Variants in ANGEL1 observed in about 807,000 individuals in gnomAD.
ANGEL1 encodes the protein angel homolog 1.
ANGEL1 carries 62 observed loss-of-function variants against 76.4 expected under a neutral mutation model. That is an observed-to-expected ratio of 0.81 (90% CI 0.66 to 1.00). The LOEUF (loss-of-function observed/expected upper bound fraction) is 1.00, where lower values mean the gene tolerates loss of function less well. ANGEL1 is among the 50% of genes least tolerant of loss of function. ANGEL1 has a pLI of 0.00. For synonymous variants in ANGEL1, 340 were observed against 331.7 expected (o/e 1.03, Z -0.27); for missense variants, 737 against 836.7 (o/e 0.88, Z 1.47).
chr14:76,810,095 C>T (rs1364244494), intron 1 of ANGEL1: 16 of 425,286 alleles, frequency 3.8e-5, no homozygotes, highest in Non-Finnish European at 2.8e-5. Flanking sequence ...TGACCTTGAA[C>T]AATGCCCCTA....
chr14:76,801,670 CTTGT>C (rs1894768580), intron 7 of ANGEL1, among the ~76,000 whole-genome samples: 1 of 151,740 alleles, frequency 6.6e-6, no homozygotes, highest in Non-Finnish European at 1.5e-5. Flanking sequence ...ATTTCCTTAC[CTTGT>C]TTTCCACAGT....
chr14:76,796,727 T>C (rs765139017), intron 7 of ANGEL1, among the ~76,000 whole-genome samples: 17 of 152,342 alleles, frequency 1.1e-4, no homozygotes, highest in Non-Finnish European at 2.4e-4. Context: ...AGTTATTCTA[T>C]ATTCTTAGTC....
intron 7 of ANGEL1, among the ~76,000 whole-genome samples, chr14:76,791,993 G>A (rs1203100560): frequency 6.6e-6 from 1 of 152,096 alleles, no homozygotes; most frequent in Non-Finnish European, 1.5e-5. Flanking sequence ...ATAAGGATCA[G>A]CAACAACAGT....
In ANGEL1 at chr14:76,807,508, A is replaced by G; in HGVS notation, c.877-6T>C. On this transcript the variant is annotated splice_region_variant and splice_polypyrimidine_tract_variant and intron_variant, in intron 3 of 9. Coordinates refer to ENST00000251089, the MANE Select transcript of ANGEL1 (RefSeq NM_015305.4). ...ACTTCCTGGAGACACAGGATCTGGGAAATTGACAAGAAACCCAATCACTCC... is the reference window on the plus strand; with the variant it reads ...ACTTCCTGGAGACACAGGATCTGGGGAATTGACAAGAAACCCAATCACTCC... 1 of 1,613,274 alleles carries G rather than the reference A, an allele frequency of 6.2e-7. No homozygotes were observed. Among genetic ancestry groups the G allele is most frequent in the Non-Finnish European group, 8.5e-7 (1 of 1,179,730 alleles).
chr14:76,797,434 A>T (rs984689754), intron 7 of ANGEL1, among the ~76,000 whole-genome samples: 1 of 152,122 alleles, frequency 6.6e-6, no homozygotes, highest in African/African-American at 2.4e-5. Context: ...CCCTATCTCT[A>T]CTAAGACTAC....
At position 76,806,737 on chromosome 14, in the gene ANGEL1, C is replaced by A; in HGVS notation, c.1059G>T (p.Arg353=). The A allele has an allele frequency of 6.2e-7, 1 of 1,614,122 alleles. No homozygotes were observed. The highest frequency in any genetic ancestry group is 2.2e-5 in the East Asian group (1 of 44,858). ...LLCASPVEYF[R]PGLELLNRDN... ...CCCGATTAAGTAGCTCCAAGCCAGG[C>A]CGGAAGTACTCCACAGGGCTAGCAC... The change falls in exon 5 of 10, where the codon CGG becomes CGT. Residue 353 remains arginine (R), a synonymous_variant. Coordinates refer to ENST00000251089, the MANE Select transcript of ANGEL1 (RefSeq NM_015305.4).
intron 5 of ANGEL1, among the ~76,000 whole-genome samples, chr14:76,805,794 A>T (rs1259649146): frequency 6.6e-6 from 1 of 152,374 alleles, no homozygotes; most frequent in African/African-American, 2.4e-5. Context: ...CTCTGCAGCC[A>T]GACCACCTGG....
chr14:76,799,342 G>C (rs1259653543), intron 7 of ANGEL1, among the ~76,000 whole-genome samples: 1 of 120,302 alleles, frequency 8.3e-6, no homozygotes, highest in Admixed American at 1.1e-4. Flanking sequence ...CGCCCAGGCT[G>C]GAGTACAGCG....
At chr14:76,805,756 A>G (rs1344418634) in intron 5 of ANGEL1, among the ~76,000 whole-genome samples, 1 of 152,238 alleles carries the variant, frequency 6.6e-6, no homozygotes, top group Non-Finnish European at 1.5e-5. Flanking sequence ...GTTATAAGCA[A>G]TGACAGCACA....
chr14:76,809,533 C>G lies in ANGEL1; in HGVS notation c.175G>C (p.Gly59Arg). The change falls in exon 2 of 10, where the codon GGC becomes CGC. Residue 59 changes from glycine (G) to arginine (R), a missense_variant. Around this residue, in one of 2 missense-constraint regions of ANGEL1, gnomAD observed 441 missense variants for 449.5 expected, o/e 0.98. Coordinates refer to ENST00000251089, the MANE Select transcript of ANGEL1 (RefSeq NM_015305.4). ...TCTTCTCGCCACTGCTGCAGCAGGC[C>G]CTCACATTCCTCCTGCTCAGGGCCC... ...PRGPEQEECE[G>R]LLQQWREEGL... is the part of the protein sequence containing the mutation. The G allele has an allele frequency of 6.2e-7, 1 of 1,614,214 alleles. No homozygotes were observed.
At position 76,806,449 on chromosome 14, in the gene ANGEL1, T is replaced by A; in HGVS notation, c.1347A>T (p.Gly449=). The A allele has an allele frequency of 6.2e-7, 1 of 1,614,024 alleles. No individual in the cohort carries two copies. ...CTGGCATCCCATGGTACTGGAGCTC[T>A]CCATCCCTGATGAAGTTGTAGAGAG... ...DSPLYNFIRD[G]ELQYHGMPAW... The change falls in exon 5 of 10, where the codon GGA becomes GGT. Residue 449 remains glycine, a synonymous_variant. Coordinates refer to ENST00000251089, the MANE Select transcript of ANGEL1 (RefSeq NM_015305.4).
chr14:76,790,517 C>T, intron 9 of ANGEL1, 94 bp downstream of exon 9: 2 of 1,515,134 alleles, frequency 1.3e-6, no homozygotes, highest in Admixed American at 2.1e-5. Flanking sequence ...TGGTTAAATC[C>T]CAGCAGCTGA....
chr14:76,789,544 C>T (rs1294597404), intron 9 of ANGEL1, among the ~76,000 whole-genome samples, 156 bp from the exon 10 acceptor site: 1 of 152,128 alleles, frequency 6.6e-6, no homozygotes, highest in Non-Finnish European at 1.5e-5. Flanking sequence ...GCTGAGGAGG[C>T]CCCATTTTCT....
chr14:76,801,447 G>A (rs1189249998), intron 7 of ANGEL1, among the ~76,000 whole-genome samples: 2 of 152,076 alleles, frequency 1.3e-5, no homozygotes, highest in African/African-American at 2.4e-5. Context: ...ATGTCTTCTC[G>A]ATCTGAAAAT....
rs1895022204 is a variant in ANGEL1, at chr14:76,809,514, CGCCA to C, written c.190_193del (p.Trp64GlufsTer5). On this transcript the variant is annotated frameshift_variant, in exon 2 of 10. Transcript: ENST00000251089. LOFTEE classifies it high-confidence loss of function. ...GAGCACCTGGCTCAACCCTTCTTCT[CGCCA>C]CTGCTGCAGCAGGCCCTCACATTCC... The C allele has an allele frequency of 1.9e-6, 3 of 1,614,124 alleles. No homozygotes were observed. Among genetic ancestry groups the C allele is most frequent in the Non-Finnish European group, 2.5e-6 (3 of 1,180,052 alleles).
chr14:76,803,665 GA>G (rs1273625761), intron 6 of ANGEL1, 120 bp downstream of exon 6: 15 of 1,454,158 alleles, frequency 1.0e-5, no homozygotes, highest in Non-Finnish European at 9.3e-7. Flanking sequence ...AGGATAGTGA[GA>G]AAACAGAGGA....
intron 1 of ANGEL1, among the ~76,000 whole-genome samples, chr14:76,811,327 C>G (rs1441491368): frequency 1.3e-5 from 2 of 152,180 alleles, no homozygotes; most frequent in Non-Finnish European, 2.9e-5. Context: ...TTGAAATATC[C>G]TCTGTGTATA....
chr14:76,804,208 A>C (rs1462375858), intron 5 of ANGEL1: 1 of 1,409,414 alleles, frequency 7.1e-7, no homozygotes, highest in African/African-American at 1.5e-5. Context: ...CTGAAAAATC[A>C]ATACAATTCT....
intron 7 of ANGEL1, among the ~76,000 whole-genome samples, chr14:76,797,384 G>A (rs569510446): frequency 1.3e-5 from 2 of 152,182 alleles, no homozygotes; most frequent in Non-Finnish European, 2.9e-5. Flanking sequence ...GGGATCACTT[G>A]AGGCCAGGAT....
Sources: gnomAD v4.1 joint callset for allele counts (sites outside exome capture counted in the v4.1 genomes callset) on GRCh38, gnomAD v4.1.1 for gene constraint, gnomAD v4.1.1 regional missense constraint, MANE v1.5 for transcripts, NCBI Gene and HGNC (gene_info 2026-07-23, HGNC 2026-07-21) for gene names.